The following ZBTB20 variants were observed in gnomAD, a reference collection of about 807,000 sequenced individuals.
ZBTB20 encodes the protein zinc finger and BTB domain containing 20.
ZBTB20 carries 9 observed loss-of-function variants against 56.9 expected under a neutral mutation model. The observed-to-expected ratio is 0.16, with a 90% CI of 0.10 to 0.28. ZBTB20 has a LOEUF of 0.28. Ranked by LOEUF, ZBTB20 falls within the 10% of genes least tolerant of loss-of-function variation. ZBTB20 has a pLI of 1.00. For synonymous variants in ZBTB20, 417 were observed against 420.7 expected (o/e 0.99, Z 0.11); for missense variants, 655 against 1,003.0 (o/e 0.65, Z 4.69).
intron 4 of ZBTB20, among the ~76,000 whole-genome samples, chr3:114,818,570 T>C (rs2073071637): frequency 6.6e-6 from 1 of 151,980 alleles, no homozygotes; most frequent in Non-Finnish European, 1.5e-5. Context: ...AAAGTCTATG[T>C]CCATGAGTTA....
intron 4 of ZBTB20, among the ~76,000 whole-genome samples, chr3:114,861,311 C>A (rs536306745): frequency 1.3e-5 from 2 of 152,246 alleles, no homozygotes; most frequent in East Asian, 3.9e-4. Flanking sequence ...AATTTAACTT[C>A]TTTGAACCAA....
intron 2 of ZBTB20, among the ~76,000 whole-genome samples, chr3:115,038,900 T>C (rs2081035839): frequency 6.6e-6 from 1 of 152,106 alleles, no homozygotes; most frequent in Admixed American, 6.5e-5. Context: ...TATATCAAAG[T>C]TATGCAATTT....
At chr3:114,785,590 T>C (rs936706240) in intron 5 of ZBTB20, among the ~76,000 whole-genome samples, 2 of 152,180 alleles carry the variant, frequency 1.3e-5, no homozygotes, top group Admixed American at 6.6e-5. Context: ...ATTATTATTA[T>C]ATTTTACTTT....
At chr3:114,663,806 T>C (rs1451275930) in intron 6 of ZBTB20, among the ~76,000 whole-genome samples, 2 of 151,364 alleles carry the variant, frequency 1.3e-5, no homozygotes, top group African/African-American at 4.9e-5. Flanking sequence ...CATTACATAA[T>C]GGTAAAGGGA....
At chr3:114,547,130 A>T (rs928764179) in intron 6 of ZBTB20, among the ~76,000 whole-genome samples, 1 of 152,206 alleles carries the variant, frequency 6.6e-6, no homozygotes, top group Non-Finnish European at 1.5e-5. Context: ...GTTGGGAAAG[A>T]AAAGGAGGCC....
intron 5 of ZBTB20, among the ~76,000 whole-genome samples, chr3:114,704,720 T>G (rs940633044): frequency 6.6e-6 from 1 of 152,160 alleles, no homozygotes; most frequent in Non-Finnish European, 1.5e-5. Flanking sequence ...TCTCTCATTT[T>G]CGCAATGAGG....
intron 5 of ZBTB20, among the ~76,000 whole-genome samples, chr3:114,716,206 G>C (rs1213092377): frequency 6.6e-6 from 1 of 152,064 alleles, no homozygotes; most frequent in African/African-American, 2.4e-5. Flanking sequence ...ACATTTTGCA[G>C]TTCTCCTTAA....
intron 8 of ZBTB20, among the ~76,000 whole-genome samples, chr3:114,381,965 A>C (rs1298301241): frequency 1.3e-5 from 2 of 152,206 alleles, no homozygotes; most frequent in Non-Finnish European, 2.9e-5. Flanking sequence ...CCAAATCTTG[A>C]GTGTCTACAT....
chr3:115,033,106 C>A (rs747454342), intron 2 of ZBTB20, among the ~76,000 whole-genome samples: 3 of 150,512 alleles, frequency 2.0e-5, no homozygotes, highest in Non-Finnish European at 3.0e-5. Flanking sequence ...ATAAGATTGA[C>A]AAACCTTTGG....
At chr3:115,012,164 C>T (rs2079745441) in intron 2 of ZBTB20, among the ~76,000 whole-genome samples, 1 of 151,514 alleles carries the variant, frequency 6.6e-6, no homozygotes, top group Admixed American at 6.6e-5. Flanking sequence ...GAGAAGACCA[C>T]AAAACAACCA....
chr3:114,764,802 T>C (rs2068675514), intron 5 of ZBTB20, among the ~76,000 whole-genome samples: 1 of 152,168 alleles, frequency 6.6e-6, no homozygotes, highest in African/African-American at 2.4e-5. Context: ...ATTTATAGGG[T>C]TATCTCAAGT....
intron 7 of ZBTB20, among the ~76,000 whole-genome samples, chr3:114,414,129 AG>A (rs1309054295): frequency 6.6e-6 from 1 of 152,156 alleles, no homozygotes; most frequent in Non-Finnish European, 1.5e-5. Context: ...AGGAGGTAAA[AG>A]GCATGCTGCT....
chr3:114,660,227 C>T (rs1467483972), intron 6 of ZBTB20, among the ~76,000 whole-genome samples: 1 of 152,178 alleles, frequency 6.6e-6, no homozygotes, highest in Non-Finnish European at 1.5e-5. Flanking sequence ...CGAGTATTGA[C>T]AGGGCCGTCC....
chr3:114,604,725 T>C (rs2057016479), intron 6 of ZBTB20, among the ~76,000 whole-genome samples: 1 of 151,956 alleles, frequency 6.6e-6, no homozygotes, highest in South Asian at 2.1e-4. Flanking sequence ...GAGCAAAAAA[T>C]GATTCAGGTT....
intron 5 of ZBTB20, among the ~76,000 whole-genome samples, chr3:114,695,103 T>A (rs1325780965): frequency 6.6e-6 from 1 of 151,972 alleles, no homozygotes; most frequent in Admixed American, 6.6e-5. Flanking sequence ...CTTGAAAAGG[T>A]AAGTCAGTAA....
At chr3:114,394,005 C>T (rs948407364) in intron 7 of ZBTB20, among the ~76,000 whole-genome samples, 2 of 152,138 alleles carry the variant, frequency 1.3e-5, no homozygotes, top group Non-Finnish European at 2.9e-5. Flanking sequence ...TGAGTATGGC[C>T]TGTCCCAGTC....
chr3:114,815,118 T>G (rs936044578), intron 4 of ZBTB20, among the ~76,000 whole-genome samples: 1 of 152,206 alleles, frequency 6.6e-6, no homozygotes, highest in African/African-American at 2.4e-5. Context: ...AAAGAATGCT[T>G]TAAAAATAGA....
chr3:114,886,619 G>T (rs766175236), intron 4 of ZBTB20, among the ~76,000 whole-genome samples: 1 of 152,184 alleles, frequency 6.6e-6, no homozygotes. Flanking sequence ...AGAAAAGTTG[G>T]ATGATACCAA....
At chr3:114,488,710 T>C (rs1408369876) in intron 7 of ZBTB20, among the ~76,000 whole-genome samples, 3 of 152,196 alleles carry the variant, frequency 2.0e-5, no homozygotes, top group Non-Finnish European at 4.4e-5. Flanking sequence ...AATTAATTGA[T>C]CCTAAGGAAA....
Sources: gnomAD v4.1 joint callset for allele counts (sites outside exome capture counted in the v4.1 genomes callset) on GRCh38, gnomAD v4.1.1 for gene constraint, MANE v1.5 for transcripts, NCBI Gene and HGNC (gene_info 2026-07-23, HGNC 2026-07-21) for gene names.